FAT4: variants seen among roughly 807,000 people sequenced by gnomAD.
The protein encoded by FAT4 is FAT atypical cadherin 4.
In FAT4, 84 loss-of-function variants were observed where a neutral mutation model predicts 303.9. The observed-to-expected ratio is 0.28, with a 90% confidence interval of 0.23 to 0.33. FAT4 has a LOEUF of 0.33. Among genes scored for constraint, FAT4 ranks in the 10% least tolerant of loss-of-function variants. The pLI is 1.00. For synonymous variants in FAT4, 2,307 were observed against 2,298.8 expected, an observed-to-expected ratio of 1.00 and a Z score of -0.10; for missense variants, 6,005 against 6,146.8, an observed-to-expected ratio of 0.98 and a Z score of 0.77.
At chr4:125,433,215 AAATG>A (rs1314762626) in intron 7 of FAT4, among the ~76,000 whole-genome samples, 1 of 152,232 alleles carries the variant, frequency 6.6e-6, no homozygotes, top group Non-Finnish European at 1.5e-5. Flanking sequence ...TTTTACAAAT[AAATG>A]AATGAGTGGC....
chr4:125,461,232 G>A (rs1726471647), intron 10 of FAT4, among the ~76,000 whole-genome samples: 1 of 151,870 alleles, frequency 6.6e-6, no homozygotes, highest in South Asian at 2.1e-4. Context: ...GGTTAAATAA[G>A]AATTGATTCA....
At chr4:125,338,580 G>A (rs1483714342) in intron 2 of FAT4, among the ~76,000 whole-genome samples, 1 of 152,114 alleles carries the variant, frequency 6.6e-6, no homozygotes, top group Non-Finnish European at 1.5e-5. Flanking sequence ...TTTTATCCAT[G>A]CCCTCAAGAG....
At chr4:125,459,002 G>T (rs1173782180) in intron 10 of FAT4, among the ~76,000 whole-genome samples, 15 of 151,830 alleles carry the variant, frequency 9.9e-5, no homozygotes, top group Admixed American at 9.9e-4. Flanking sequence ...TGCCTAGAAT[G>T]AATAGCATAT....
At chr4:125,352,886 A>T (rs937346067) in intron 2 of FAT4, among the ~76,000 whole-genome samples, 1 of 151,824 alleles carries the variant, frequency 6.6e-6, no homozygotes, top group African/African-American at 2.4e-5. Flanking sequence ...TACTGGATGC[A>T]GTGATGTATT....
rs745910292 is a variant in FAT4, at chr4:125,415,550, G to C, written c.6587G>C (p.Gly2196Ala). Residue 2196 changes from glycine to alanine, a missense_variant, in exon 6 of 18, where the codon GGT becomes GCT. By Grantham distance (60) the Gly-to-Ala change is moderately conservative. Coordinates refer to ENST00000394329, the MANE Select transcript of FAT4 (RefSeq NM_001291303.3). ...CAGGTTCGCTATGGCATTGTTAATG[G>C]TAATACCAATCAGGAATTTCGGATA... is the stretch of plus-strand genomic sequence containing the variant. Reference protein sequence around the residue: ...NGQVRYGIVNGNTNQEFRIDS... With the variant: ...NGQVRYGIVNANTNQEFRIDS... 1.9e-6 allele frequency: 3 copies of C among 1,614,058 alleles called. No homozygotes were observed. The highest frequency in any genetic ancestry group is 2.5e-6 in the Non-Finnish European group (3 of 1,179,962).
Position 125,320,471 on chromosome 4 carries a change from A to G in FAT4, c.4060A>G (p.Ile1354Val), listed in dbSNP as rs200273982. 1.5e-5 allele frequency: 25 copies of G among 1,614,118 alleles called. No homozygotes were observed. The highest frequency in any genetic ancestry group is 1.2e-4 in the African/African-American group (9 of 75,054). ...SGDNADLYYS[I>V]TGTNNHGTFS... is the part of the protein sequence containing the mutation. Reference sequence around the variant, plus strand: ...TGACAATGCTGATTTATATTACAGTATTACTGGGACTAACAACCACGGAAC... The same window carrying G: ...TGACAATGCTGATTTATATTACAGTGTTACTGGGACTAACAACCACGGAAC... The change falls in exon 2 of 18, where the codon ATT (isoleucine) becomes GTT (valine). Residue 1354 changes from isoleucine (I) to valine (V), a missense_variant. Coordinates refer to ENST00000394329, the MANE Select transcript of FAT4 (RefSeq NM_001291303.3).
Position 125,415,614 on chromosome 4 carries a change from G to A in FAT4, c.6651G>A (p.Leu2217=). ...GTGCCATCACTGTCGCTAAACCTTT[G>A]GATAGAGAAAAGACCCCTACCTACC... ...VTGAITVAKP[L]DREKTPTYHL... Residue 2217 remains leucine (L), a synonymous_variant, in exon 6 of 18, where the codon TTG becomes TTA. Transcript: ENST00000394329. 1 of 1,613,954 alleles carries A rather than the reference G, an allele frequency of 6.2e-7. No individual in the cohort carries two copies. The highest frequency in any genetic ancestry group is 8.5e-7 in the Non-Finnish European group (1 of 1,179,946).
At chr4:125,377,405 G>C (rs574423080) in intron 2 of FAT4, among the ~76,000 whole-genome samples, 118 of 151,710 alleles carry the variant, frequency 7.8e-4, no homozygotes, top group African/African-American at 2.8e-3. Context: ...ACTCTGATTA[G>C]ACCACAGCTC....
rs777219715 is a variant in FAT4, at chr4:125,320,345, A to G, written c.3934A>G (p.Thr1312Ala). The G allele has an allele frequency of 6.2e-7, 1 of 1,613,822 alleles. No individual in the cohort carries two copies. The highest frequency in any genetic ancestry group is 1.1e-5 in the South Asian group (1 of 91,076). Residue 1312 changes from threonine (T) to alanine (A), a missense_variant, in exon 2 of 18, where the codon ACC (threonine) becomes GCC (alanine). By Grantham distance (58) the Thr-to-Ala change is moderately conservative (BLOSUM62 0). Coordinates refer to ENST00000394329, the MANE Select transcript of FAT4 (RefSeq NM_001291303.3). ...NIDILDENDN[T>A]PSFPKSTLFV... ...TGATATTTTAGATGAAAATGACAAT[A>G]CCCCTTCTTTCCCTAAATCAACACT...
chr4:125,401,214 C>T (rs551516784), intron 3 of FAT4, among the ~76,000 whole-genome samples: 7 of 152,112 alleles, frequency 4.6e-5, no homozygotes, highest in South Asian at 4.1e-4. Context: ...ACTCTTGACA[C>T]GAGGAACTCA....
intron 16 of FAT4, among the ~76,000 whole-genome samples, chr4:125,485,689 AT>A (rs1727384362): frequency 6.6e-6 from 1 of 152,212 alleles, no homozygotes; most frequent in African/African-American, 2.4e-5. Flanking sequence ...TAAAATAATG[AT>A]TAAAAAAACG....
chr4:125,476,400 A>G, intron 13 of FAT4, 144 bp downstream of exon 13: 2 of 359,374 alleles, frequency 5.6e-6, no homozygotes, highest in Non-Finnish European at 9.9e-6. Context: ...ATAATATAAA[A>G]TAGTCAATAA....
At chr4:125,378,430 A>G (rs2125996695) in intron 2 of FAT4, among the ~76,000 whole-genome samples, 1 of 152,264 alleles carries the variant, frequency 6.6e-6, no homozygotes, top group East Asian at 1.9e-4. Flanking sequence ...GTAACTATAC[A>G]TCACATATCA....
At chr4:125,334,262 G>A (rs1731490124) in intron 2 of FAT4, among the ~76,000 whole-genome samples, 2 of 151,958 alleles carry the variant, frequency 1.3e-5, no homozygotes, top group African/African-American at 4.8e-5. Flanking sequence ...AAGATTTTTT[G>A]TTATGCAAAT....
At chr4:125,358,375 A>G (rs1578556332) in intron 2 of FAT4, among the ~76,000 whole-genome samples, 1 of 152,022 alleles carries the variant, frequency 6.6e-6, no homozygotes, top group Admixed American at 6.6e-5. Context: ...TTATATTGTA[A>G]TATCTAATGA....
chr4:125,434,576 A>G (rs1206614131), intron 8 of FAT4, 151 bp downstream of exon 8: 2 of 585,694 alleles, frequency 3.4e-6, no homozygotes, highest in Non-Finnish European at 5.8e-6. Flanking sequence ...AATTCATTAA[A>G]TGAAGATTCA....
intron 10 of FAT4, among the ~76,000 whole-genome samples, chr4:125,456,371 C>T (rs1279847839): frequency 6.6e-6 from 1 of 152,108 alleles, no homozygotes; most frequent in East Asian, 1.9e-4. Flanking sequence ...TCAGAGTTCA[C>T]TTCAGTCTTC....
Position 125,452,101 on chromosome 4 carries a change from C to G in FAT4, c.11091C>G (p.Ser3697Arg). ...SNDGVHSTVTSNIRVFFAGFS... is the reference protein window; with the variant it reads ...SNDGVHSTVTRNIRVFFAGFS... ...ATGGAGTTCACAGCACAGTCACGAG[C>G]AACATCCGAGTTTTCTTTGCTGGAT... Residue 3697 changes from serine to arginine, a missense_variant, in exon 10 of 18, where the codon AGC becomes AGG. By Grantham distance (110) the Ser-to-Arg change is moderately radical (BLOSUM62 -1). Transcript: ENST00000394329. 1 of 1,614,164 alleles carries G rather than the reference C, an allele frequency of 6.2e-7. No individual in the cohort carries two copies. The highest frequency in any genetic ancestry group is 8.5e-7 in the Non-Finnish European group (1 of 1,180,024).
Position 125,321,349 on chromosome 4 carries a change from A to C in FAT4, c.4938A>C (p.Thr1646=), listed in dbSNP as rs1401867305. 1.2e-6 allele frequency: 2 copies of C among 1,614,084 alleles called. No individual in the cohort carries two copies. Among genetic ancestry groups the C allele is most frequent in the East Asian group, 4.5e-5 (2 of 44,892 alleles). ...TILKEGEPIG[T]NVISIEAASP... ...TGAAGGAAGGAGAACCCATTGGCACAAACGTGATATCAATAGAAGCAGCTA... is the reference window on the plus strand; with the variant it reads ...TGAAGGAAGGAGAACCCATTGGCACCAACGTGATATCAATAGAAGCAGCTA... Residue 1646 remains threonine, a synonymous_variant, in exon 2 of 18, where the codon ACA becomes ACC. Transcript: ENST00000394329.
Sources: allele counts gnomAD v4.1 joint callset (sites outside exome capture counted in the v4.1 genomes callset), GRCh38; gene constraint gnomAD v4.1.1; transcripts MANE v1.5; gene names NCBI Gene and HGNC (gene_info 2026-07-23, HGNC 2026-07-21).